Variants in SULF2 observed in about 807,000 individuals in gnomAD.
SULF2 encodes sulfatase 2.
SULF2 carries 52 observed loss-of-function variants against 107.7 expected under a neutral mutation model. The observed-to-expected ratio is 0.48, with a 90% CI of 0.39 to 0.61. The LOEUF (loss-of-function observed/expected upper bound fraction) is 0.61, where lower values mean the gene tolerates loss of function less well. Among genes scored for constraint, SULF2 ranks in the 20% least tolerant of loss-of-function variants. The probability of loss-of-function intolerance (pLI) is 0.00; values close to 1 mark genes in which losing one functional copy is unlikely to be tolerated. For synonymous variants in SULF2, 460 were observed against 464.3 expected (o/e 0.99, Z 0.12); for missense variants, 993 against 1,177.3 (o/e 0.84, Z 2.29).
intron 10 of SULF2, among the ~76,000 whole-genome samples, chr20:47,672,741 C>G (rs1452814559): frequency 6.6e-6 from 1 of 152,200 alleles, no homozygotes; most frequent in African/African-American, 2.4e-5. Flanking sequence ...ATGGCTCCCA[C>G]TGTCTTTAAG....
chr20:47,785,641 A>AGCCAGGCCGGCCG (rs2090918862), upstream of SULF2, among the ~76,000 whole-genome samples: 1 of 145,840 alleles, frequency 6.9e-6, no homozygotes, highest in Admixed American at 6.8e-5. Flanking sequence ...CCGGCCGGCC[A>AGCCAGGCCGGCCG]CGCTGCCCCA....
At chr20:47,738,832 A>T (rs924002822) in intron 2 of SULF2, among the ~76,000 whole-genome samples, 46 of 152,304 alleles carry the variant, frequency 3.0e-4, no homozygotes, top group African/African-American at 1.1e-3. Flanking sequence ...AGCAGCATGA[A>T]GACAGACCAA....
intron 2 of SULF2, among the ~76,000 whole-genome samples, chr20:47,740,170 C>T (rs925680624): frequency 2.0e-5 from 3 of 152,202 alleles, no homozygotes; most frequent in Non-Finnish European, 4.4e-5. Flanking sequence ...AGACATTCAT[C>T]ACTTAATTCT....
chr20:47,712,570 C>T (rs542156774), intron 3 of SULF2, among the ~76,000 whole-genome samples: 120 of 152,340 alleles, frequency 7.9e-4, no homozygotes, highest in Non-Finnish European at 1.4e-3. Context: ...AGCCCCAGCG[C>T]AGTACCTGGC....
At position 47,678,822 on chromosome 20, in the gene SULF2, T is replaced by A; in HGVS notation, c.1065-18A>T. ...GGGGATTCCTGGGGGAGGCAGGAGA[T>A]CGGGGACTCAGTCACTCAGGTGGTG... On this transcript the variant is annotated intron_variant, in intron 7 of 20. Transcript: ENST00000688720. This position sits in a 1 kb window ranked among gnomAD's most constrained non-coding sequence, Gnocchi z 4.5. 6.2e-7 allele frequency: 1 copy of A among 1,611,010 alleles called. No homozygotes were observed. The highest frequency in any genetic ancestry group is 8.5e-7 in the Non-Finnish European group (1 of 1,178,492).
intron 10 of SULF2, among the ~76,000 whole-genome samples, chr20:47,675,658 C>T (rs2087615525): frequency 6.6e-6 from 1 of 152,088 alleles, no homozygotes; most frequent in South Asian, 2.1e-4. Flanking sequence ...CTCAAAGTCC[C>T]AGCCTTTGAC....
intron 15 of SULF2, 62 bp downstream of exon 15, chr20:47,664,068 G>T: frequency 6.4e-7 from 1 of 1,555,400 alleles, no homozygotes; most frequent in Non-Finnish European, 8.8e-7. Flanking sequence ...TTAGCTTAAG[G>T]GAGGGCCACC....
At chr20:47,761,247 T>G (rs559487602) in intron 1 of SULF2, among the ~76,000 whole-genome samples, 1 of 152,342 alleles carries the variant, frequency 6.6e-6, no homozygotes, top group South Asian at 2.1e-4. Context: ...ATTACTGTCC[T>G]AAGGCCACCC....
chr20:47,745,390 AAAAAAAAAAAAAAAAAAAAAATATATAT>A (rs1208800677), intron 2 of SULF2, among the ~76,000 whole-genome samples: 5 of 13,572 alleles, frequency 3.7e-4, no homozygotes, highest in Admixed American at 1.1e-3. Context: ...GGGAAAAAAA[AAAAAAAAAAAAAAAAAAAAAATATATAT>A]ATATATATAT....
intron 3 of SULF2, among the ~76,000 whole-genome samples, chr20:47,723,479 G>A (rs1233978254): frequency 6.6e-6 from 1 of 152,218 alleles, no homozygotes; most frequent in Non-Finnish European, 1.5e-5. Flanking sequence ...CAGGTAGACA[G>A]GTAGCGGTCT....
At chr20:47,741,562 T>C (rs187478240) in intron 2 of SULF2, among the ~76,000 whole-genome samples, 1 of 152,368 alleles carries the variant, frequency 6.6e-6, no homozygotes, top group African/African-American at 2.4e-5. Context: ...TGCTGTTCCC[T>C]GTGACTTTTG....
chr20:47,663,207 G>C lies in SULF2; in HGVS notation c.2233C>G (p.Pro745Ala), dbSNP rs766819612. 1 of 1,613,958 alleles carries C rather than the reference G, an allele frequency of 6.2e-7. No individual in the cohort carries two copies. The highest frequency in any genetic ancestry group is 1.3e-5 in the African/African-American group (1 of 74,910). The change falls in exon 17 of 21, where the codon CCT becomes GCT. Residue 745 changes from proline to alanine, a missense_variant. This residue lies in a region of SULF2 where 497 missense variants were observed against 544.1 expected (regional missense o/e 0.91). Transcript: ENST00000688720. ...WQTAPFWTLGPFCACTSANNN... is the reference protein window; with the variant it reads ...WQTAPFWTLGAFCACTSANNN... ...TTGGCGCTGGTGCAGGCACAGAAAG[G>C]CCCCACTGCCAAGGAAGAGAGAGCA... is the stretch of plus-strand genomic sequence containing the variant.
chr20:47,676,421 C>G lies in SULF2; in HGVS notation c.1380+73G>C, dbSNP rs57812648. ...CCCTGGCCCTGCTGGCTCAGCGGCT[C>G]TCAGAGCCTCGCAGGTCAGGGCCGG... On this transcript the variant is annotated intron_variant, in intron 10 of 20. Coordinates refer to ENST00000688720, the MANE Select transcript of SULF2 (RefSeq NM_001387048.1). The G allele has an allele frequency of 3.6e-3, 5,574 of 1,546,148 alleles. 161 individuals are homozygous for G. In the African/African-American group the frequency reaches 0.055, roughly 15 times the overall value.
At chr20:47,660,216 T>C (rs1381988955) in intron 18 of SULF2, among the ~76,000 whole-genome samples, 1 of 152,216 alleles carries the variant, frequency 6.6e-6, no homozygotes, top group Non-Finnish European at 1.5e-5. Context: ...TCAAAGCTTA[T>C]CAGCTAACAC....
At chr20:47,776,397 G>A (rs116567195) in intron 1 of SULF2, among the ~76,000 whole-genome samples, 11 of 152,242 alleles carry the variant, frequency 7.2e-5, no homozygotes, top group Admixed American at 2.0e-4. Context: ...TTTGTAAAAC[G>A]GGGTTGGAAG....
At chr20:47,717,131 G>T (rs893115233) in intron 3 of SULF2, among the ~76,000 whole-genome samples, 1 of 152,150 alleles carries the variant, frequency 6.6e-6, no homozygotes, top group Admixed American at 6.5e-5. Context: ...GGAAAATGAC[G>T]GTAAAAAGGT....
intron 1 of SULF2, among the ~76,000 whole-genome samples, chr20:47,763,551 T>A (rs929132876): frequency 1.3e-5 from 2 of 151,990 alleles, no homozygotes; most frequent in African/African-American, 4.8e-5. Flanking sequence ...GAGGCACTGG[T>A]CAGATGGTAA....
rs199872296 is a variant in SULF2, at chr20:47,684,431, C to G, written c.888G>C (p.Thr296=). 7 of 1,607,914 alleles carry G rather than the reference C, an allele frequency of 4.4e-6. No homozygotes were observed. In the East Asian group the frequency reaches 1.4e-4, roughly 31 times the overall value. The change falls in exon 6 of 21, where the codon ACG becomes ACC. Residue 296 remains threonine (T), a splice_region_variant and synonymous_variant. Coordinates refer to ENST00000688720, the MANE Select transcript of SULF2 (RefSeq NM_001387048.1). ...CAAGAGGCATGCAGCGGGCGCCTAC[C>G]GTCTCCATGGAGTCGTCCACCGACA... The part of the protein sequence containing the change: ...TLMSVDDSME[T]IYNMLVETGE...
At chr20:47,756,119 C>T (rs1029792875) in intron 2 of SULF2, among the ~76,000 whole-genome samples, 1 of 152,172 alleles carries the variant, frequency 6.6e-6, no homozygotes, top group Non-Finnish European at 1.5e-5. Context: ...ATAGCCGAAA[C>T]AGCGTCGGGG....
Sources: allele counts gnomAD v4.1 joint callset (sites outside exome capture counted in the v4.1 genomes callset), GRCh38; gene constraint gnomAD v4.1.1; regional missense constraint gnomAD v4.1.1; non-coding constraint Gnocchi (gnomAD v3.1); transcripts MANE v1.5; gene names NCBI Gene and HGNC (gene_info 2026-07-23, HGNC 2026-07-21).